LCLAT1: variants seen among roughly 807,000 people sequenced by gnomAD.
LCLAT1 encodes the protein 1-AGP acyltransferase 8.
In LCLAT1, 11 loss-of-function variants were observed where a neutral mutation model predicts 30.7. The ratio of observed to expected loss-of-function variants is 0.36; its 90% confidence interval spans 0.23 to 0.59. LCLAT1 has a LOEUF of 0.59. LCLAT1 is among the 20% of genes least tolerant of loss of function. The pLI is 0.77. For missense variants in LCLAT1, 402 were observed against 458.6 expected (o/e 0.88, Z 1.13); for synonymous variants, 155 against 151.3 (o/e 1.02, Z -0.18).
At chr2:30,567,927 C>T in intron 4 of LCLAT1, 133 bp from the exon 5 acceptor site, 1 of 539,088 alleles carries the variant, frequency 1.9e-6, no homozygotes, top group Non-Finnish European at 3.3e-6. Flanking sequence ...TGTATCTTCT[C>T]ATTTGACTCA....
intron 1 of LCLAT1, among the ~76,000 whole-genome samples, chr2:30,467,713 T>TAC (rs1320167038): frequency 6.6e-6 from 1 of 152,242 alleles, no homozygotes; most frequent in Non-Finnish European, 1.5e-5. Flanking sequence ...TTTTCATGTG[T>TAC]CTGTTGGCTG....
intron 5 of LCLAT1, among the ~76,000 whole-genome samples, chr2:30,621,548 A>G (rs1226427037): frequency 6.6e-6 from 1 of 152,130 alleles, no homozygotes; most frequent in Non-Finnish European, 1.5e-5. Flanking sequence ...AAGCTGAGAG[A>G]ATCCACAGAC....
intron 5 of LCLAT1, among the ~76,000 whole-genome samples, chr2:30,569,999 G>A (rs1225137479): frequency 1.3e-5 from 2 of 151,994 alleles, no homozygotes; most frequent in East Asian, 3.9e-4. Flanking sequence ...ATTTACTATG[G>A]CATGTAACTT....
At chr2:30,540,593 C>T (rs1664085269) in intron 3 of LCLAT1, among the ~76,000 whole-genome samples, 1 of 152,004 alleles carries the variant, frequency 6.6e-6, no homozygotes, top group Non-Finnish European at 1.5e-5. Context: ...TATGAAATAC[C>T]TGGGTCTTTG....
At chr2:30,482,755 CATT>C (rs1372347173) in intron 1 of LCLAT1, among the ~76,000 whole-genome samples, 1 of 150,536 alleles carries the variant, frequency 6.6e-6, no homozygotes, top group Non-Finnish European at 1.5e-5. Context: ...GCCTGGTCAA[CATT>C]GTGAAACCCT....
intron 3 of LCLAT1, among the ~76,000 whole-genome samples, chr2:30,544,043 T>C (rs1664276936): frequency 6.6e-6 from 1 of 152,202 alleles, no homozygotes; most frequent in South Asian, 2.1e-4. Flanking sequence ...GAACTACACA[T>C]TTTCTTTCAG....
intron 5 of LCLAT1, among the ~76,000 whole-genome samples, chr2:30,604,328 T>C (rs1667328365): frequency 6.8e-6 from 1 of 146,886 alleles, no homozygotes; most frequent in African/African-American, 2.5e-5. Context: ...AAGAGAAGAT[T>C]TGACAGCTGT....
At chr2:30,601,473 G>A (rs189279623) in intron 5 of LCLAT1, among the ~76,000 whole-genome samples, 16 of 152,192 alleles carry the variant, frequency 1.1e-4, no homozygotes, top group African/African-American at 3.6e-4. Context: ...GTAAAACAAC[G>A]AAGCAGAACA....
intron 2 of LCLAT1, among the ~76,000 whole-genome samples, chr2:30,526,447 T>C (rs1296462729): frequency 6.6e-6 from 1 of 152,196 alleles, no homozygotes; most frequent in Non-Finnish European, 1.5e-5. Flanking sequence ...TACTGTAAGT[T>C]CTGGAATTTA....
chr2:30,562,740 C>A (rs1244305718), intron 4 of LCLAT1, among the ~76,000 whole-genome samples: 1 of 152,038 alleles, frequency 6.6e-6, no homozygotes, highest in Non-Finnish European at 1.5e-5. Context: ...ATTTTAAAAT[C>A]ATGTTTTAGG....
chr2:30,510,157 TCAG>T (rs1298292558), intron 1 of LCLAT1, among the ~76,000 whole-genome samples: 1 of 152,184 alleles, frequency 6.6e-6, no homozygotes, highest in East Asian at 1.9e-4. Flanking sequence ...AATCTCCCTT[TCAG>T]GATCATCCTT....
chr2:30,627,379 T>C (rs967335900), intron 5 of LCLAT1, among the ~76,000 whole-genome samples: 2 of 152,232 alleles, frequency 1.3e-5, no homozygotes, highest in Non-Finnish European at 2.9e-5. Flanking sequence ...ATAACGAAAC[T>C]TTCTTCGCTT....
intron 5 of LCLAT1, among the ~76,000 whole-genome samples, chr2:30,605,460 A>G (rs1386674006): frequency 6.6e-6 from 1 of 152,208 alleles, no homozygotes; most frequent in Non-Finnish European, 1.5e-5. Context: ...TCTAAAGCAG[A>G]CCAATTTACA....
chr2:30,627,653 A>G (rs1252811077), intron 5 of LCLAT1, among the ~76,000 whole-genome samples: 6 of 152,168 alleles, frequency 3.9e-5, no homozygotes, highest in African/African-American at 9.7e-5. Flanking sequence ...AGCCTACACT[A>G]TAATTTTATT....
At chr2:30,481,164 GT>G (rs1251015149) in intron 1 of LCLAT1, among the ~76,000 whole-genome samples, 7 of 152,184 alleles carry the variant, frequency 4.6e-5, no homozygotes, top group African/African-American at 1.4e-4. Context: ...GAAGAGGTTA[GT>G]TAGCACAGAG....
intron 5 of LCLAT1, among the ~76,000 whole-genome samples, chr2:30,581,090 T>A (rs1291174868): frequency 6.6e-6 from 1 of 152,072 alleles, no homozygotes; most frequent in Non-Finnish European, 1.5e-5. Flanking sequence ...TTGGAATAGT[T>A]GTTGTGGTAA....
At chr2:30,556,706 AATAAG>A (rs1411734529) in intron 3 of LCLAT1, among the ~76,000 whole-genome samples, 2 of 152,080 alleles carry the variant, frequency 1.3e-5, no homozygotes, top group East Asian at 3.9e-4. Context: ...AATATTCCAC[AATAAG>A]ATAAGAACAG....
At chr2:30,469,596 T>TTG in intron 1 of LCLAT1, among the ~76,000 whole-genome samples, 1 of 144,410 alleles carries the variant, frequency 6.9e-6, no homozygotes, top group Non-Finnish European at 1.5e-5. Flanking sequence ...TTTTTTTTTT[T>TTG]GAGACGGAGT....
chr2:30,614,277 C>G (rs1170618388), intron 5 of LCLAT1, among the ~76,000 whole-genome samples: 2 of 132,944 alleles, frequency 1.5e-5, no homozygotes, highest in Non-Finnish European at 3.2e-5. Flanking sequence ...TGAGTTGACA[C>G]AGCACACGTT....
Sources: allele counts gnomAD v4.1 joint callset (sites outside exome capture counted in the v4.1 genomes callset), GRCh38; gene constraint gnomAD v4.1.1; transcripts MANE v1.5; gene names NCBI Gene and HGNC (gene_info 2026-07-23, HGNC 2026-07-21).